Variants in CMIP observed in about 807,000 individuals in gnomAD.
The protein encoded by CMIP is C-Maf-inducing protein.
In CMIP, 13 loss-of-function variants were observed where a neutral mutation model predicts 97.3. That is an observed-to-expected ratio of 0.13 (90% CI 0.09 to 0.21). The LOEUF (loss-of-function observed/expected upper bound fraction) is 0.21, where lower values mean the gene tolerates loss of function less well. Ranked by LOEUF, CMIP falls within the 10% of genes least tolerant of loss-of-function variation. CMIP has a pLI of 1.00. For synonymous variants in CMIP, 538 were observed against 436.3 expected (o/e 1.23, Z -2.91); for missense variants, 847 against 1,024.9 (o/e 0.83, Z 2.37).
chr16:81,453,462 C>A lies in CMIP; in HGVS notation c.300+7921C>A, dbSNP rs1251408702. ...GCTAGCTTCTCTGGGTGTCCTGGGC[C>A]AGTGCCAGTTTCCTTAGAGGTCCAG... On this transcript the variant is annotated intron_variant, in intron 1 of 20. Coordinates refer to ENST00000537098, the MANE Select transcript of CMIP (RefSeq NM_198390.3). The surrounding 1 kb of genome is among the most constrained non-coding windows in gnomAD (Gnocchi z 4.0). Among the ~76,000 whole-genome samples the A allele has an allele frequency of 6.6e-6, 1 of 152,174 alleles. No individual in the cohort carries two copies. The highest frequency in any genetic ancestry group is 1.5e-5 in the Non-Finnish European group (1 of 68,032).
intron 1 of CMIP, among the ~76,000 whole-genome samples, chr16:81,458,452 G>A (rs1906696762): frequency 6.6e-6 from 1 of 152,146 alleles, no homozygotes; most frequent in Admixed American, 6.5e-5. Flanking sequence ...CCTGGCTGGG[G>A]GCATGACTAG....
chr16:81,710,146 T>C lies in CMIP; in HGVS notation c.*347T>C, dbSNP rs1908601754. 1 of 316,644 alleles carries C rather than the reference T, an allele frequency of 3.2e-6. No individual in the cohort carries two copies. The allele number at this position is 316,644 out of a possible 1,614,324, so 19.6% of individuals were successfully genotyped here. On this transcript the variant is annotated 3_prime_UTR_variant, in exon 21 of 21. Transcript: ENST00000537098. ...TGCCTTTGTGTTTGATGCCGTCGTG[T>C]GGGAAAAGTCAACTCCGATGCCACC...
intron 1 of CMIP, among the ~76,000 whole-genome samples, chr16:81,448,281 T>C (rs992186753): frequency 7.9e-5 from 12 of 152,258 alleles, no homozygotes; most frequent in African/African-American, 2.7e-4. Context: ...CCCAGAGTGA[T>C]TGATAGGGAT....
intron 1 of CMIP, among the ~76,000 whole-genome samples, chr16:81,543,355 A>G (rs1291940067): frequency 6.6e-6 from 1 of 152,170 alleles, no homozygotes; most frequent in Non-Finnish European, 1.5e-5. Flanking sequence ...CCGTGAGAAC[A>G]TTCAGAAACA....
intron 1 of CMIP, among the ~76,000 whole-genome samples, chr16:81,556,295 G>A (rs1182344525): frequency 6.6e-6 from 1 of 152,158 alleles, no homozygotes; most frequent in African/African-American, 2.4e-5. Context: ...CGGGCACTAG[G>A]TTGCTTCCAC....
chr16:81,454,510 G>T (rs757515385), intron 1 of CMIP, among the ~76,000 whole-genome samples: 5 of 152,210 alleles, frequency 3.3e-5, no homozygotes, highest in Admixed American at 6.5e-5. Flanking sequence ...TTGTGATTTT[G>T]TCAAAAAAGT....
chr16:81,482,037 C>G (rs2089232722), intron 1 of CMIP, among the ~76,000 whole-genome samples: 1 of 152,118 alleles, frequency 6.6e-6, no homozygotes. Context: ...CGCCACCACA[C>G]CTAGCTAATT....
chr16:81,690,304 A>G, intron 10 of CMIP, among the ~76,000 whole-genome samples: 1 of 152,156 alleles, frequency 6.6e-6, no homozygotes, highest in Non-Finnish European at 1.5e-5. Context: ...ATGTTCTTCC[A>G]TTTCTTTGTG....
At chr16:81,673,751 G>T (rs2092704058) in intron 9 of CMIP, among the ~76,000 whole-genome samples, 1 of 152,142 alleles carries the variant, frequency 6.6e-6, no homozygotes, top group South Asian at 2.1e-4. Context: ...TAGTTTATGG[G>T]GAACTTTCTG....
intron 19 of CMIP, among the ~76,000 whole-genome samples, chr16:81,706,653 G>A (rs193125294): frequency 9.2e-5 from 14 of 151,722 alleles, no homozygotes; most frequent in East Asian, 3.9e-4. Context: ...CAATGACGAC[G>A]GGGGGACCAT....
chr16:81,577,666 C>T (rs1306833877), intron 1 of CMIP, among the ~76,000 whole-genome samples: 2 of 151,726 alleles, frequency 1.3e-5, no homozygotes, highest in African/African-American at 4.9e-5. Context: ...TCACCACCAT[C>T]ATCCCCATTA....
At chr16:81,521,089 T>G (rs922382635) in intron 1 of CMIP, among the ~76,000 whole-genome samples, 2 of 152,266 alleles carry the variant, frequency 1.3e-5, no homozygotes, top group African/African-American at 2.4e-5. Context: ...GATTTAATTT[T>G]GGGATAAATT....
In CMIP at chr16:81,701,758, G is replaced by A. The variant is rs371636797; in HGVS notation, c.1854G>A (p.Met618Ile). The A allele has an allele frequency of 6.2e-7, 1 of 1,613,858 alleles. No individual in the cohort carries two copies. The highest frequency in any genetic ancestry group is 8.5e-7 in the Non-Finnish European group (1 of 1,179,888). ...TLESTDVGKRMYEQLCDRQRE... is the reference protein window; with the variant it reads ...TLESTDVGKRIYEQLCDRQRE... Reference sequence around the variant, plus strand: ...AGAGCACAGACGTGGGGAAGCGCATGTACGAGCAGCTGTGTGACCGGCAGC... The same window carrying A: ...AGAGCACAGACGTGGGGAAGCGCATATACGAGCAGCTGTGTGACCGGCAGC... The change falls in exon 16 of 21, where the codon ATG (methionine) becomes ATA (isoleucine). Residue 618 changes from methionine to isoleucine, a missense_variant. By Grantham distance (10) the Met-to-Ile change is conservative. This residue lies in a region of CMIP where 266 missense variants were observed against 384.2 expected (regional missense o/e 0.69). Coordinates refer to ENST00000537098, the MANE Select transcript of CMIP (RefSeq NM_198390.3).
intron 1 of CMIP, among the ~76,000 whole-genome samples, chr16:81,556,250 G>C (rs1450335519): frequency 6.6e-6 from 1 of 152,116 alleles, no homozygotes; most frequent in Non-Finnish European, 1.5e-5. Context: ...TGGTTATTAT[G>C]GGGGAATGCC....
At chr16:81,455,321 C>T (rs534774852) in intron 1 of CMIP, among the ~76,000 whole-genome samples, 3 of 152,350 alleles carry the variant, frequency 2.0e-5, no homozygotes, top group South Asian at 4.1e-4. Context: ...GTGATCCGTA[C>T]AACCCAGTTA....
At chr16:81,480,495 G>A (rs1450258519) in intron 1 of CMIP, among the ~76,000 whole-genome samples, 2 of 152,166 alleles carry the variant, frequency 1.3e-5, no homozygotes, top group East Asian at 1.9e-4. Flanking sequence ...AGCCAAGATC[G>A]TGCCACTGCA....
intron 1 of CMIP, among the ~76,000 whole-genome samples, chr16:81,509,985 C>G (rs555591739): frequency 2.8e-4 from 43 of 152,354 alleles, no homozygotes; most frequent in African/African-American, 1.0e-3. Flanking sequence ...ATGCCTGAAT[C>G]AGACCTGGCT....
At chr16:81,586,607 A>G (rs938566344) in intron 1 of CMIP, among the ~76,000 whole-genome samples, 4 of 151,508 alleles carry the variant, frequency 2.6e-5, no homozygotes, top group Admixed American at 6.6e-5. Context: ...ATCAGTTTTT[A>G]TGACTCACCT....
chr16:81,616,264 G>C lies in CMIP; in HGVS notation c.427-4612G>C, dbSNP rs1461980564. Among the ~76,000 whole-genome samples, 1 of 151,690 alleles carries C rather than the reference G, an allele frequency of 6.6e-6. No homozygotes were observed. Among genetic ancestry groups the C allele is most frequent in the Admixed American group, 6.6e-5 (1 of 15,214 alleles). ...TGGGTGGGACATAAATACCCAGCCA[G>C]CCTCAGGGTGTGGGCCGAGGGCTTG... On this transcript the variant is annotated intron_variant, in intron 2 of 20. Transcript: ENST00000537098. The surrounding 1 kb of genome is among the most constrained non-coding windows in gnomAD (Gnocchi z 4.7).
Sources: allele counts gnomAD v4.1 joint callset (sites outside exome capture counted in the v4.1 genomes callset), GRCh38; gene constraint gnomAD v4.1.1; regional missense constraint gnomAD v4.1.1; non-coding constraint Gnocchi (gnomAD v3.1); transcripts MANE v1.5; gene names NCBI Gene and HGNC (gene_info 2026-07-23, HGNC 2026-07-21).